PPP1R14C: variants seen among roughly 807,000 people sequenced by gnomAD.
PPP1R14C encodes the protein protein phosphatase 1 regulatory subunit 14C.
PPP1R14C carries 16 observed loss-of-function variants against 20.4 expected under a neutral mutation model. The observed-to-expected ratio is 0.78, with a 90% CI of 0.53 to 1.19. PPP1R14C has a LOEUF of 1.19. PPP1R14C is among the 50% of genes most tolerant of loss of function. The pLI is 0.00. For missense variants in PPP1R14C, 211 were observed against 220.1 expected, an observed-to-expected ratio of 0.96 and a Z score of 0.26; for synonymous variants, 91 against 91.0, an observed-to-expected ratio of 1.00 and a Z score of 0.00.
chr6:150,176,374 C>T (rs1777563071), intron 1 of PPP1R14C, among the ~76,000 whole-genome samples: 1 of 152,228 alleles, frequency 6.6e-6, no homozygotes, highest in African/African-American at 2.4e-5. Context: ...GCTTCCTTGG[C>T]AACTACCTCT....
chr6:150,179,505 G>C (rs114364331), intron 1 of PPP1R14C, among the ~76,000 whole-genome samples: 1,945 of 152,132 alleles, frequency 0.013, 41 homozygotes, highest in African/African-American at 0.044. Context: ...GGTGTAGAGA[G>C]TCCAGATAAG....
At chr6:150,154,074 A>G (rs1240911738) in intron 1 of PPP1R14C, among the ~76,000 whole-genome samples, 1 of 152,252 alleles carries the variant, frequency 6.6e-6, no homozygotes, top group Non-Finnish European at 1.5e-5. Context: ...TTGTGTTAGT[A>G]TATTCCACAC....
At chr6:150,184,738 G>A (rs972680600) in intron 1 of PPP1R14C, among the ~76,000 whole-genome samples, 4 of 152,190 alleles carry the variant, frequency 2.6e-5, no homozygotes, top group African/African-American at 9.7e-5. Flanking sequence ...CTTGAGAGCA[G>A]CCACCGCATG....
At chr6:150,240,242 A>T (rs933054056) in intron 3 of PPP1R14C, among the ~76,000 whole-genome samples, 4 of 152,234 alleles carry the variant, frequency 2.6e-5, no homozygotes, top group African/African-American at 9.6e-5. Context: ...GATATTATGC[A>T]CAAGCTTGTG....
At chr6:150,155,682 G>C (rs1238999601) in intron 1 of PPP1R14C, among the ~76,000 whole-genome samples, 2 of 152,084 alleles carry the variant, frequency 1.3e-5, no homozygotes, top group East Asian at 1.9e-4. Flanking sequence ...ACAGGATTCT[G>C]TTATTTCTCA....
At chr6:150,233,126 A>G (rs1396852724) in intron 3 of PPP1R14C, among the ~76,000 whole-genome samples, 1 of 152,164 alleles carries the variant, frequency 6.6e-6, no homozygotes, top group African/African-American at 2.4e-5. Flanking sequence ...TAAAGATGAG[A>G]TCTGAGTCAC....
rs1163912096 is a variant in PPP1R14C, at chr6:150,250,289, T to G, written c.*1469T>G. On this transcript the variant is annotated 3_prime_UTR_variant, in exon 4 of 4. Coordinates refer to ENST00000361131, the MANE Select transcript of PPP1R14C (RefSeq NM_030949.3). ...TACTGGCAAGCTTTTGAAAATGTATTTAATTTTGTATTGTTTACCAATGAT... is the reference window on the plus strand; with the variant it reads ...TACTGGCAAGCTTTTGAAAATGTATGTAATTTTGTATTGTTTACCAATGAT... 1 of 152,658 alleles carries G rather than the reference T, an allele frequency of 6.6e-6. No individual in the cohort carries two copies. The highest frequency in any genetic ancestry group is 1.5e-5 in the Non-Finnish European group (1 of 68,046). The allele number at this position is 152,658 out of a possible 1,614,324, so 9.5% of individuals were successfully genotyped here. A position where few individuals can be genotyped will look rare whatever the true frequency, so the allele number is the denominator to read the frequency against.
At chr6:150,179,147 T>G (rs2114877025) in intron 1 of PPP1R14C, among the ~76,000 whole-genome samples, 1 of 152,322 alleles carries the variant, frequency 6.6e-6, no homozygotes, top group South Asian at 2.1e-4. Flanking sequence ...GGCTCATACC[T>G]GTAGTCCCAG....
At chr6:150,159,834 G>A (rs1277720726) in intron 1 of PPP1R14C, among the ~76,000 whole-genome samples, 1 of 152,040 alleles carries the variant, frequency 6.6e-6, no homozygotes, top group Non-Finnish European at 1.5e-5. Flanking sequence ...TTTAGTTTTT[G>A]CCTAGAGTCC....
At chr6:150,225,543 C>G (rs187960432) in intron 3 of PPP1R14C, among the ~76,000 whole-genome samples, 177 of 152,294 alleles carry the variant, frequency 1.2e-3, no homozygotes, top group African/African-American at 4.1e-3. Context: ...ACCTCACTTC[C>G]CTTGTGGATC....
intron 1 of PPP1R14C, among the ~76,000 whole-genome samples, chr6:150,169,115 G>C (rs1056709119): frequency 6.6e-6 from 1 of 152,162 alleles, no homozygotes; most frequent in Non-Finnish European, 1.5e-5. Context: ...GAGCTCAGGC[G>C]ATCCACCCAT....
In PPP1R14C at chr6:150,201,112, G is replaced by A. The variant is rs1275970863; in HGVS notation, c.307-13632G>A. On this transcript the variant is annotated intron_variant, in intron 1 of 3. Transcript: ENST00000361131. This position sits in a 1 kb window ranked among gnomAD's most constrained non-coding sequence, Gnocchi z 4.2. ...GGAAGCGATCGGCCCTATTGGGCAG[G>A]ATACTCAGACATTCCATCTGTAAAT... is the stretch of plus-strand genomic sequence containing the variant. 2.0e-5 allele frequency among the ~76,000 whole-genome samples: 3 copies of A among 152,198 alleles called. No individual in the cohort carries two copies. Among genetic ancestry groups the A allele is most frequent in the African/African-American group, 7.2e-5 (3 of 41,436 alleles).
chr6:150,157,545 A>G (rs1777318466), intron 1 of PPP1R14C, among the ~76,000 whole-genome samples: 1 of 152,130 alleles, frequency 6.6e-6, no homozygotes, highest in Non-Finnish European at 1.5e-5. Context: ...AATACCTGAG[A>G]CTGGGTGATT....
chr6:150,241,123 C>T (rs966681523), intron 3 of PPP1R14C, among the ~76,000 whole-genome samples: 3 of 152,054 alleles, frequency 2.0e-5, no homozygotes, highest in African/African-American at 7.2e-5. Flanking sequence ...AGCCCTACCC[C>T]CATCCTCCAA....
At chr6:150,239,287 T>A (rs1440858414) in intron 3 of PPP1R14C, among the ~76,000 whole-genome samples, 1 of 152,188 alleles carries the variant, frequency 6.6e-6, no homozygotes, top group Non-Finnish European at 1.5e-5. Context: ...TGGTTTTTAA[T>A]AAGATGTACA....
At chr6:150,192,826 A>G (rs1004304519) in intron 1 of PPP1R14C, among the ~76,000 whole-genome samples, 1 of 152,092 alleles carries the variant, frequency 6.6e-6, no homozygotes, top group African/African-American at 2.4e-5. Context: ...CTTCACCTAC[A>G]GGTCTGGCTT....
rs143771923 is a variant in PPP1R14C at position 150,178,472 on chromosome 6, C to T, written c.306+34974C>T. 2.8e-3 allele frequency among the ~76,000 whole-genome samples: 423 copies of T among 152,326 alleles called. 3 individuals are homozygous for T. Among genetic ancestry groups the T allele is most frequent in the Non-Finnish European group, 4.1e-3 (276 of 68,026 alleles). ...ACAGCAGGTGAGGTTGTGTCCCTCT[C>T]CTAATATGCAGGGCCAGCCTTTGAA... On this transcript the variant is annotated intron_variant, in intron 1 of 3. Coordinates refer to ENST00000361131, the MANE Select transcript of PPP1R14C (RefSeq NM_030949.3).
chr6:150,192,768 T>C (rs1582911451), intron 1 of PPP1R14C, among the ~76,000 whole-genome samples: 1 of 152,122 alleles, frequency 6.6e-6, no homozygotes. Context: ...GGTGGCTGGG[T>C]CTGGAATCAT....
chr6:150,194,516 AATC>A lies in PPP1R14C; in HGVS notation c.307-20225_307-20223del, dbSNP rs140274058. The A allele has an allele frequency of 1.3e-3, 1,241 of 978,466 alleles. 9 individuals are homozygous for A. The African/African-American group carries it at 0.021, about 16-fold the overall frequency. The allele number at this position is 978,466 out of a possible 1,614,324, so 60.6% of individuals were successfully genotyped here. On this transcript the variant is annotated intron_variant, in intron 1 of 3. Transcript: ENST00000361131. The stretch of plus-strand genomic sequence containing the variant: ...TACTACAATTTGTATGCCAATTATA[AATC>A]ATGCTTTTCCATTAATTAAAGGAGT...
Sources: gnomAD v4.1 joint callset for allele counts (sites outside exome capture counted in the v4.1 genomes callset) on GRCh38, gnomAD v4.1.1 for gene constraint, Gnocchi (gnomAD v3.1) non-coding constraint, MANE v1.5 for transcripts, NCBI Gene and HGNC (gene_info 2026-07-23, HGNC 2026-07-21) for gene names.